The following TPST1 variants were observed in gnomAD, a reference collection of about 807,000 sequenced individuals.
TPST1 encodes tyrosylprotein sulfotransferase 1.
In TPST1, 20 loss-of-function variants were observed where a neutral mutation model predicts 34.8. The ratio of observed to expected loss-of-function variants is 0.57; its 90% confidence interval spans 0.40 to 0.84. The LOEUF is 0.84. TPST1 is among the 40% of genes least tolerant of loss of function. The probability of loss-of-function intolerance (pLI) is 0.00; values close to 1 mark genes in which losing one functional copy is unlikely to be tolerated. For synonymous variants in TPST1, 152 were observed against 159.4 expected (o/e 0.95, Z 0.35); for missense variants, 353 against 455.5 (o/e 0.78, Z 2.05).
At chr7:66,274,111 G>A (rs1346032844) in intron 2 of TPST1, among the ~76,000 whole-genome samples, 3 of 151,620 alleles carry the variant, frequency 2.0e-5, no homozygotes, top group Non-Finnish European at 2.9e-5. Context: ...GCTGACGCCT[G>A]TAATCCCAGC....
At chr7:66,270,703 A>G (rs746843165) in intron 2 of TPST1, among the ~76,000 whole-genome samples, 2 of 152,206 alleles carry the variant, frequency 1.3e-5, no homozygotes, top group Admixed American at 6.5e-5. Flanking sequence ...CAGTTTTGCA[A>G]TCGAACTGCT....
chr7:66,285,793 A>G (rs1317960083), intron 2 of TPST1, among the ~76,000 whole-genome samples: 1 of 152,216 alleles, frequency 6.6e-6, no homozygotes, highest in Non-Finnish European at 1.5e-5. Flanking sequence ...TATAGTGAGT[A>G]TAATCACTAC....
At chr7:66,230,551 C>T (rs1363854689) in intron 1 of TPST1, among the ~76,000 whole-genome samples, 4 of 151,646 alleles carry the variant, frequency 2.6e-5, no homozygotes, top group African/African-American at 9.7e-5. Flanking sequence ...GCTCTTAAGG[C>T]AGCGCGTCTG....
chr7:66,341,246 A>C (rs1200082343), intron 3 of TPST1, among the ~76,000 whole-genome samples: 1 of 152,176 alleles, frequency 6.6e-6, no homozygotes, highest in East Asian at 1.9e-4. Context: ...ATATGTGCAC[A>C]CATTTTATAC....
At chr7:66,254,075 C>T (rs1290712771) in intron 2 of TPST1, among the ~76,000 whole-genome samples, 2 of 150,992 alleles carry the variant, frequency 1.3e-5, no homozygotes, top group Non-Finnish European at 3.0e-5. Context: ...CTTAGTTCTT[C>T]TCTAGGAATG....
chr7:66,284,703 T>C (rs1232933929), intron 2 of TPST1, among the ~76,000 whole-genome samples: 1 of 151,940 alleles, frequency 6.6e-6, no homozygotes, highest in African/African-American at 2.4e-5. Flanking sequence ...ATTACAGACA[T>C]GCACCACCAC....
At chr7:66,333,433 G>C (rs1042782349) in intron 3 of TPST1, among the ~76,000 whole-genome samples, 2 of 152,128 alleles carry the variant, frequency 1.3e-5, no homozygotes, top group Non-Finnish European at 2.9e-5. Context: ...AGTGCGTTAG[G>C]TTGTTAGACA....
rs190334350 is a variant in TPST1, at chr7:66,246,791, A to G, written c.845+5521A>G. Among the ~76,000 whole-genome samples, 384 of 152,322 alleles carry G rather than the reference A, an allele frequency of 2.5e-3. 2 individuals carry two copies. Among genetic ancestry groups the G allele is most frequent in the Admixed American group, 0.021 (317 of 15,308 alleles). ...TTGGAGCGCCAGTCATTTCATCTAC[A>G]TTCTAAGCAGCACAGCAGGGGTGGA... On this transcript the variant is annotated intron_variant, in intron 2 of 5. Coordinates refer to ENST00000304842, the MANE Select transcript of TPST1 (RefSeq NM_003596.4).
intron 3 of TPST1, among the ~76,000 whole-genome samples, chr7:66,301,154 G>T (rs1055968846): frequency 2.0e-5 from 3 of 152,166 alleles, no homozygotes; most frequent in African/African-American, 7.2e-5. Context: ...GGTCTCAACA[G>T]TGGGCTGAAA....
chr7:66,352,753 C>G, intron 4 of TPST1, 198 bp downstream of exon 4: 1 of 985,392 alleles, frequency 1.0e-6, no homozygotes, highest in Non-Finnish European at 1.2e-6. Context: ...TTAACACAGT[C>G]TTAATTTCAG....
chr7:66,222,681 G>A (rs963059064), intron 1 of TPST1, among the ~76,000 whole-genome samples: 1 of 152,116 alleles, frequency 6.6e-6, no homozygotes, highest in Non-Finnish European at 1.5e-5. Context: ...GAGGCCAGGC[G>A]TGGAGGGGTC....
At chr7:66,338,345 A>G (rs1792164310) in intron 3 of TPST1, among the ~76,000 whole-genome samples, 1 of 152,226 alleles carries the variant, frequency 6.6e-6, no homozygotes, top group South Asian at 2.1e-4. Flanking sequence ...GCAAATATTA[A>G]TAGACCTAAA....
chr7:66,325,003 TTTCATAC>T (rs1791835213), intron 3 of TPST1, among the ~76,000 whole-genome samples: 1 of 152,172 alleles, frequency 6.6e-6, no homozygotes, highest in South Asian at 2.1e-4. Context: ...ATTAGTCCGT[TTTCATAC>T]TGCTATAAAG....
intron 1 of TPST1, among the ~76,000 whole-genome samples, chr7:66,213,471 A>G (rs998610120): frequency 6.6e-6 from 1 of 152,176 alleles, no homozygotes; most frequent in Non-Finnish European, 1.5e-5. Flanking sequence ...TTGTTAAACA[A>G]TAGGCTGGGC....
chr7:66,209,010 C>T (rs186007416), intron 1 of TPST1, among the ~76,000 whole-genome samples: 153 of 152,114 alleles, frequency 1.0e-3, no homozygotes, highest in East Asian at 9.9e-3. Flanking sequence ...AGGCTAGGCG[C>T]GGTGGCTCAC....
chr7:66,220,780 T>C (rs6963646), intron 1 of TPST1, among the ~76,000 whole-genome samples: 89,466 of 151,056 alleles, frequency 0.59, 26,956 homozygotes, highest in African/African-American at 0.68. Flanking sequence ...TTGAAAAAAG[T>C]AGAAAGTTGT....
chr7:66,354,020 T>C (rs549409580), intron 4 of TPST1, among the ~76,000 whole-genome samples: 1 of 152,378 alleles, frequency 6.6e-6, no homozygotes, highest in South Asian at 2.1e-4. Flanking sequence ...CTTATTCACA[T>C]ATATTTACTA....
intron 2 of TPST1, among the ~76,000 whole-genome samples, chr7:66,273,581 T>A (rs1169928630): frequency 4.6e-5 from 7 of 152,066 alleles, no homozygotes; most frequent in Non-Finnish European, 7.4e-5. Context: ...AACAGACATA[T>A]AAACGAATGG....
chr7:66,283,298 T>C (rs886556622), intron 2 of TPST1, among the ~76,000 whole-genome samples: 1 of 152,032 alleles, frequency 6.6e-6, no homozygotes, highest in African/African-American at 2.4e-5. Context: ...GTTATCTCCA[T>C]GAATGTGAAT....
Sources: allele counts gnomAD v4.1 joint callset (sites outside exome capture counted in the v4.1 genomes callset), GRCh38; gene constraint gnomAD v4.1.1; transcripts MANE v1.5; gene names NCBI Gene and HGNC (gene_info 2026-07-23, HGNC 2026-07-21).